Variants in PDE4B observed in about 807,000 individuals in gnomAD.
The protein encoded by PDE4B is 3',5'-cyclic-AMP phosphodiesterase 4B.
PDE4B carries 20 observed loss-of-function variants against 82.2 expected under a neutral mutation model. The observed-to-expected ratio is 0.24, with a 90% CI of 0.17 to 0.35. The LOEUF (loss-of-function observed/expected upper bound fraction) is 0.35, where lower values mean the gene tolerates loss of function less well. PDE4B is among the 10% of genes least tolerant of loss of function. The probability of loss-of-function intolerance (pLI) is 1.00; values close to 1 mark genes in which losing one functional copy is unlikely to be tolerated. For missense variants in PDE4B, 655 were observed against 907.2 expected (o/e 0.72, Z 3.57); for synonymous variants, 320 against 318.9 (o/e 1.00, Z -0.04).
chr1:65,974,131 A>G (rs1229461233), intron 3 of PDE4B, among the ~76,000 whole-genome samples: 7 of 152,076 alleles, frequency 4.6e-5, no homozygotes, highest in Non-Finnish European at 7.4e-5. Flanking sequence ...TTTTTATGTC[A>G]CCAAGATGGA....
intron 4 of PDE4B, among the ~76,000 whole-genome samples, 183 bp downstream of exon 4, chr1:66,247,837 T>C (rs532996315): frequency 6.6e-6 from 1 of 152,350 alleles, no homozygotes; most frequent in Non-Finnish European, 1.5e-5. Flanking sequence ...GCGGAATATG[T>C]AGCTGGGGTC....
At chr1:66,206,304 TCAGTG>T (rs1649547878) in intron 3 of PDE4B, among the ~76,000 whole-genome samples, 1 of 152,148 alleles carries the variant, frequency 6.6e-6, no homozygotes, top group South Asian at 2.1e-4. Context: ...AGCTTCTGAT[TCAGTG>T]TCCCTGAACG....
At chr1:66,247,687 A>ACATTTACCTCATCTCTACC in intron 4 of PDE4B, 33 bp downstream of exon 4, 1 of 1,486,490 alleles carries the variant, frequency 6.7e-7, no homozygotes, top group East Asian at 2.3e-5. Context: ...TTCCAGTTTC[A>ACATTTACCTCATCTCTACC]CATTTACCTC....
chr1:65,858,526 T>C (rs1256945480), intron 1 of PDE4B, among the ~76,000 whole-genome samples: 1 of 152,230 alleles, frequency 6.6e-6, no homozygotes, highest in Non-Finnish European at 1.5e-5. Context: ...TACTTGGAAA[T>C]ATTTCATCAT....
intron 1 of PDE4B, among the ~76,000 whole-genome samples, chr1:65,910,600 A>T (rs1647078941): frequency 6.6e-6 from 1 of 152,176 alleles, no homozygotes; most frequent in African/African-American, 2.4e-5. Context: ...GGTTGAGGAT[A>T]AACAAAAAGG....
chr1:66,091,977 G>A (rs1645034578), intron 3 of PDE4B, among the ~76,000 whole-genome samples: 1 of 151,946 alleles, frequency 6.6e-6, no homozygotes, highest in Non-Finnish European at 1.5e-5. Flanking sequence ...ACACAATTAA[G>A]AGTAAAATTT....
At chr1:66,232,717 G>A (rs1055821456) in intron 3 of PDE4B, among the ~76,000 whole-genome samples, 2 of 152,178 alleles carry the variant, frequency 1.3e-5, no homozygotes, top group African/African-American at 2.4e-5. Context: ...AAATATTCCT[G>A]ATATTTGAGA....
intron 1 of PDE4B, among the ~76,000 whole-genome samples, chr1:65,887,565 C>T (rs1646805077): frequency 6.7e-6 from 1 of 150,184 alleles, no homozygotes; most frequent in African/African-American, 2.5e-5. Context: ...CTACAGGTGC[C>T]CACCAGCATA....
chr1:66,025,480 A>T (rs888596399), intron 3 of PDE4B, among the ~76,000 whole-genome samples: 65 of 152,176 alleles, frequency 4.3e-4, no homozygotes, highest in African/African-American at 1.5e-3. Context: ...ATTTTCCAGT[A>T]ACACAATGAT....
chr1:66,361,025 G>T (rs1047587627), intron 9 of PDE4B, among the ~76,000 whole-genome samples: 4 of 152,026 alleles, frequency 2.6e-5, no homozygotes, highest in African/African-American at 9.7e-5. Flanking sequence ...AATAAACCAA[G>T]CCCTTAAAGT....
chr1:66,359,608 A>G (rs767446683), intron 9 of PDE4B, among the ~76,000 whole-genome samples: 1 of 152,212 alleles, frequency 6.6e-6, no homozygotes, highest in Non-Finnish European at 1.5e-5. Flanking sequence ...TCACTGTTGC[A>G]GGGAATCTTT....
At chr1:66,312,844 A>G (rs998075331) in intron 7 of PDE4B, among the ~76,000 whole-genome samples, 2 of 152,238 alleles carry the variant, frequency 1.3e-5, no homozygotes, top group African/African-American at 4.8e-5. Context: ...TGTTTGCAAC[A>G]GAGACCATAT....
chr1:66,140,875 G>A (rs1043122240), intron 3 of PDE4B, among the ~76,000 whole-genome samples: 4 of 152,084 alleles, frequency 2.6e-5, no homozygotes, highest in Non-Finnish European at 4.4e-5. Flanking sequence ...TAGCTTTGTG[G>A]CAATTGGTTT....
chr1:65,986,542 C>T (rs932668506), intron 3 of PDE4B, among the ~76,000 whole-genome samples: 6 of 152,234 alleles, frequency 3.9e-5, no homozygotes, highest in Non-Finnish European at 8.8e-5. Context: ...ATAGCTCTTA[C>T]TCTAATTTGA....
chr1:66,047,903 G>C (rs971208748), intron 3 of PDE4B, among the ~76,000 whole-genome samples: 2 of 151,958 alleles, frequency 1.3e-5, no homozygotes, highest in Non-Finnish European at 2.9e-5. Flanking sequence ...CTTGTGTCTT[G>C]TTAATACTGG....
At chr1:66,102,697 A>G (rs1645251442) in intron 3 of PDE4B, among the ~76,000 whole-genome samples, 1 of 152,078 alleles carries the variant, frequency 6.6e-6, no homozygotes. Context: ...ACACAAATAT[A>G]AGGGATCTGC....
At chr1:66,049,701 A>G (rs1379118201) in intron 3 of PDE4B, among the ~76,000 whole-genome samples, 1 of 152,050 alleles carries the variant, frequency 6.6e-6, no homozygotes, top group Non-Finnish European at 1.5e-5. Flanking sequence ...AAATGAAGTG[A>G]TATGCCCATT....
intron 3 of PDE4B, among the ~76,000 whole-genome samples, chr1:66,054,214 G>A (rs1412196102): frequency 6.6e-6 from 1 of 152,120 alleles, no homozygotes; most frequent in African/African-American, 2.4e-5. Flanking sequence ...TTACTAACGT[G>A]TAATATGTTT....
rs1646371102 is a variant in PDE4B at position 66,150,523 on chromosome 1, T to G, written c.282-96937T>G. On this transcript the variant is annotated intron_variant, in intron 3 of 16. Coordinates refer to ENST00000341517, the MANE Select transcript of PDE4B (RefSeq NM_002600.4). ...TCTTCCTTTCCAACGATAATGCCTTTTATTTCTTTTTCTTGCCTAATTGTA... is the reference window on the plus strand; with the variant it reads ...TCTTCCTTTCCAACGATAATGCCTTGTATTTCTTTTTCTTGCCTAATTGTA... 3.3e-5 allele frequency among the ~76,000 whole-genome samples: 5 copies of G among 152,208 alleles called. No homozygotes were observed. In the South Asian group the frequency reaches 1.0e-3, roughly 32 times the overall value.
Sources: allele counts gnomAD v4.1 joint callset (sites outside exome capture counted in the v4.1 genomes callset), GRCh38; gene constraint gnomAD v4.1.1; transcripts MANE v1.5; gene names NCBI Gene and HGNC (gene_info 2026-07-23, HGNC 2026-07-21).